UGT2B4: variants seen among roughly 807,000 people sequenced by gnomAD.
The protein encoded by UGT2B4 is UDP glucuronosyltransferase family 2 member B4.
Under a neutral mutation model 49.8 loss-of-function variants are expected in UGT2B4, and 49 were observed. The ratio of observed to expected loss-of-function variants is 0.98; its 90% CI spans 0.78 to 1.25. The LOEUF (loss-of-function observed/expected upper bound fraction) is 1.25, where lower values mean the gene tolerates loss of function less well. Among genes scored for constraint, UGT2B4 ranks in the 50% most tolerant of loss-of-function variants. The pLI, the probability that UGT2B4 is intolerant of heterozygous loss-of-function variation, is 0.00. For synonymous variants in UGT2B4, 246 were observed against 217.7 expected, an observed-to-expected ratio of 1.13 and a Z score of -1.14; for missense variants, 729 against 627.7, an observed-to-expected ratio of 1.16 and a Z score of -1.73.
At chr4:69,484,561 T>A (rs1437980098) in intron 5 of UGT2B4, among the ~76,000 whole-genome samples, 1 of 152,178 alleles carries the variant, frequency 6.6e-6, no homozygotes, top group East Asian at 1.9e-4. Context: ...TGATTCAGTT[T>A]ATATGAAATA....
chr4:69,514,639 T>C (rs1431321490), intron 1 of UGT2B4, among the ~76,000 whole-genome samples: 1 of 152,202 alleles, frequency 6.6e-6, no homozygotes, highest in Non-Finnish European at 1.5e-5. Flanking sequence ...GTTCCCTCAA[T>C]ATCTGCTTTA....
intron 1 of UGT2B4, among the ~76,000 whole-genome samples, chr4:69,502,968 C>A (rs1728379901): frequency 1.8e-5 from 1 of 55,012 alleles, no homozygotes; most frequent in African/African-American, 5.0e-5. Flanking sequence ...TGATTGCTGA[C>A]CAGCACCTCT....
chr4:69,512,723 T>A (rs1577901721), intron 1 of UGT2B4, among the ~76,000 whole-genome samples: 1 of 119,014 alleles, frequency 8.4e-6, no homozygotes, highest in Non-Finnish European at 1.9e-5. Context: ...CTGTTTTTTT[T>A]TTGTTTGTTT....
intron 1 of UGT2B4, among the ~76,000 whole-genome samples, chr4:69,508,068 C>G (rs1193876974): frequency 2.0e-5 from 3 of 152,058 alleles, no homozygotes; most frequent in Admixed American, 6.5e-5. Flanking sequence ...AGAAGATATA[C>G]CTGCATCCAG....
At chr4:69,499,056 T>C (rs1728236348), upstream of UGT2B4, among the ~76,000 whole-genome samples, 2 of 152,160 alleles carry the variant, frequency 1.3e-5, no homozygotes, top group South Asian at 4.1e-4. Flanking sequence ...GATTCTGTTA[T>C]ATTGTCTTTT....
chr4:69,503,291 A>G (rs1248310966), intron 1 of UGT2B4, among the ~76,000 whole-genome samples: 2 of 152,166 alleles, frequency 1.3e-5, no homozygotes, highest in Admixed American at 6.5e-5. Flanking sequence ...GGCTCACACC[A>G]TAGCTTCTGC....
intron 2 of UGT2B4, among the ~76,000 whole-genome samples, chr4:69,491,358 T>C (rs1727980282): frequency 6.6e-6 from 1 of 152,096 alleles, no homozygotes; most frequent in Non-Finnish European, 1.5e-5. Context: ...ACTTTTGATG[T>C]TTATTTTATG....
At chr4:69,502,765 T>C (rs1577896245) in intron 1 of UGT2B4, among the ~76,000 whole-genome samples, 1 of 152,140 alleles carries the variant, frequency 6.6e-6, no homozygotes, top group East Asian at 1.9e-4. Context: ...TTTACCTTGC[T>C]ACCCTCAGAC....
intron 1 of UGT2B4, among the ~76,000 whole-genome samples, chr4:69,521,236 T>C (rs987453313): frequency 3.9e-5 from 6 of 152,184 alleles, no homozygotes; most frequent in Admixed American, 2.6e-4. Flanking sequence ...CTGAAACATC[T>C]GTAACACAAA....
chr4:69,498,931 T>C (rs2109817828), upstream of UGT2B4, among the ~76,000 whole-genome samples: 1 of 152,312 alleles, frequency 6.6e-6, no homozygotes, highest in African/African-American at 2.4e-5. Flanking sequence ...TGCACTTGGC[T>C]CTCTAGTTCT....
intron 1 of UGT2B4, among the ~76,000 whole-genome samples, chr4:69,521,738 G>A (rs1018005832): frequency 5.3e-5 from 8 of 152,266 alleles, no homozygotes; most frequent in Non-Finnish European, 1.0e-4. Context: ...ACACACAGAG[G>A]GTTCTGGCTG....
In UGT2B4 at chr4:69,507,615, A is replaced by G. The variant is rs372479332; in HGVS notation, c.-105-11649T>C. On this transcript the variant is annotated intron_variant, in intron 1 of 1. Coordinates refer to the UGT2B4 transcript ENST00000510114. ...AAACATTCCATGCTCATGAATAGGA[A>G]GAGTCAATATTGTTAAGATGGCCAT... Among the ~76,000 whole-genome samples, 33 of 152,256 alleles carry G rather than the reference A, an allele frequency of 2.2e-4. No homozygotes were observed. The South Asian group carries it at 4.6e-3, about 21-fold the overall frequency.
intron 2 of UGT2B4, among the ~76,000 whole-genome samples, chr4:69,491,580 T>C (rs1727987028): frequency 6.6e-6 from 1 of 152,168 alleles, no homozygotes; most frequent in Non-Finnish European, 1.5e-5. Context: ...TTATTTTACA[T>C]GATAAACAAT....
chr4:69,492,252 C>G (rs949921315), intron 2 of UGT2B4, among the ~76,000 whole-genome samples: 3 of 151,998 alleles, frequency 2.0e-5, no homozygotes, highest in African/African-American at 7.2e-5. Context: ...TGTCTTAAGG[C>G]AGAAAACACC....
intron 1 of UGT2B4, among the ~76,000 whole-genome samples, chr4:69,501,321 G>T (rs973031006): frequency 6.6e-6 from 1 of 152,090 alleles, no homozygotes; most frequent in Non-Finnish European, 1.5e-5. Flanking sequence ...GCTTCTTTAA[G>T]CAGGTTCCAG....
chr4:69,480,712 A>G lies in UGT2B4; in HGVS notation c.1509T>C (p.Thr503=). ...GACATTTTGTGATGATGAATATCAC[A>G]GTTGCCACACAGGCCAGCAGGAACC... ...VTGFLLACVA[T]VIFIITKCLF... The change falls in exon 6 of 6, where the codon ACT becomes ACC. Residue 503 remains threonine, a synonymous_variant. Coordinates refer to ENST00000305107, the MANE Select transcript of UGT2B4 (RefSeq NM_021139.3). The G allele has an allele frequency of 6.2e-7, 1 of 1,614,062 alleles. No individual in the cohort carries two copies. The highest frequency in any genetic ancestry group is 1.1e-5 in the South Asian group (1 of 91,082).
chr4:69,489,250 A>G (rs918864213), intron 3 of UGT2B4, among the ~76,000 whole-genome samples, 189 bp downstream of exon 3: 1 of 152,152 alleles, frequency 6.6e-6, no homozygotes, highest in Non-Finnish European at 1.5e-5. Context: ...TTAATTACCA[A>G]TGAAAAACAC....
chr4:69,521,257 A>T (rs1284249691), intron 1 of UGT2B4, among the ~76,000 whole-genome samples: 1 of 152,208 alleles, frequency 6.6e-6, no homozygotes, highest in Non-Finnish European at 1.5e-5. Context: ...CCAGCCTGAA[A>T]CATGTTCCCT....
intron 1 of UGT2B4, among the ~76,000 whole-genome samples, chr4:69,516,212 T>C (rs1212072347): frequency 6.6e-6 from 1 of 152,242 alleles, no homozygotes; most frequent in Non-Finnish European, 1.5e-5. Context: ...CCATGGTGTA[T>C]ATGTACTACA....
Sources: allele counts gnomAD v4.1 joint callset (sites outside exome capture counted in the v4.1 genomes callset), GRCh38; gene constraint gnomAD v4.1.1; transcripts MANE v1.5; gene names NCBI Gene and HGNC (gene_info 2026-07-23, HGNC 2026-07-21).